The following EYS variants were observed in gnomAD, a reference collection of about 807,000 sequenced individuals.
The protein encoded by EYS is EGF-like photoreceptor maintenance factor.
Under a neutral mutation model 282.1 loss-of-function variants are expected in EYS, and 250 were observed. The observed-to-expected ratio is 0.89, with a 90% confidence interval of 0.80 to 0.98. The LOEUF (loss-of-function observed/expected upper bound fraction) is 0.98, where lower values mean the gene tolerates loss of function less well. EYS is among the 50% of genes least tolerant of loss of function. The pLI is 0.00. For synonymous variants in EYS, 1,355 were observed against 1,282.9 expected (o/e 1.06, Z -1.20); for missense variants, 4,016 against 3,709.0 (o/e 1.08, Z -2.15).
chr6:64,349,885 A>C (rs1211180121), intron 29 of EYS, among the ~76,000 whole-genome samples: 1 of 151,536 alleles, frequency 6.6e-6, no homozygotes, highest in African/African-American at 2.4e-5. Flanking sequence ...GTTTTGAAAT[A>C]TCTACTTGAA....
At chr6:64,388,634 A>G in intron 29 of EYS, 56 bp downstream of exon 29, 2 of 1,362,192 alleles carry the variant, frequency 1.5e-6, no homozygotes, top group East Asian at 2.7e-5. Context: ...TATCAATATG[A>G]TGATTTTCAA....
Position 64,295,729 on chromosome 6 carries a change from C to CA in EYS, c.6191+11240dup, listed in dbSNP as rs74773239. On this transcript the variant is annotated intron_variant, in intron 30 of 42. Coordinates refer to ENST00000503581, the MANE Select transcript of EYS (RefSeq NM_001142800.2). ...GGCTGACTGAGCCAGACTCCGTCTC[C>CA]AAAAAAAAAAAAAGAAAATGGGTCT... Among the ~76,000 whole-genome samples, 461 of 132,958 alleles carry CA rather than the reference C, an allele frequency of 3.5e-3. 3 individuals carry two copies. The highest frequency in any genetic ancestry group is 0.019 in the Middle Eastern group (5 of 264). 87.2% of individuals were successfully genotyped at this position (132,958 alleles called of 152,430 possible).
At position 64,388,727 on chromosome 6, in the gene EYS, A is replaced by G; in HGVS notation, c.6041T>C (p.Phe2014Ser). 1 of 1,542,468 alleles carries G rather than the reference A, an allele frequency of 6.5e-7. No individual in the cohort carries two copies. The highest frequency in any genetic ancestry group is 8.8e-7 in the Non-Finnish European group (1 of 1,142,818). ...GKPLPKSGSV[F>S]IGGFPDLHGK... Reference sequence around the variant, plus strand: ...ATGAAGGTCTGGAAATCCACCAATGAAGACAGATCCTGATTTTGGCAGGGG... The same window carrying G: ...ATGAAGGTCTGGAAATCCACCAATGGAGACAGATCCTGATTTTGGCAGGGG... The change falls in exon 29 of 43, where the codon TTC (phenylalanine) becomes TCC (serine). Residue 2014 changes from phenylalanine to serine, a missense_variant. Phe to Ser is a radical substitution (Grantham distance 155, BLOSUM62 -2). Coordinates refer to ENST00000503581, the MANE Select transcript of EYS (RefSeq NM_001142800.2).
At chr6:64,590,147 C>G in intron 26 of EYS, 76 bp downstream of exon 26, 5 of 1,307,380 alleles carry the variant, frequency 3.8e-6, no homozygotes, top group Non-Finnish European at 5.2e-6. Context: ...ACCCGGTGAC[C>G]ATGACAGGCT....
At chr6:65,446,083 G>C (rs4295459) in intron 5 of EYS, among the ~76,000 whole-genome samples, 28,076 of 151,474 alleles carry the variant, frequency 0.19, 3,249 homozygotes, top group Middle Eastern at 0.3. Context: ...AAAACTCAGT[G>C]ACTTTGCCTA....
In EYS at chr6:64,060,191, A is replaced by C. The variant is rs375212438; in HGVS notation, c.6725+6147T>G. 2.6e-5 allele frequency among the ~76,000 whole-genome samples: 4 copies of C among 152,296 alleles called. No individual in the cohort carries two copies. In the East Asian group the frequency reaches 5.8e-4, roughly 22 times the overall value. On this transcript the variant is annotated intron_variant, in intron 33 of 42. Transcript: ENST00000503581. ...CATAGCTTATATAATATTAACTACC[A>C]GGAACATGTGAAAAGTTTTTATATA...
intron 1 of EYS, among the ~76,000 whole-genome samples, chr6:65,661,052 T>C (rs1767986218): frequency 6.6e-6 from 1 of 151,930 alleles, no homozygotes; most frequent in South Asian, 2.1e-4. Context: ...TAACTCGGTC[T>C]ATAAGTGGTA....
chr6:64,930,572 T>C (rs1341035919), intron 15 of EYS, among the ~76,000 whole-genome samples: 2 of 152,074 alleles, frequency 1.3e-5, no homozygotes, highest in Non-Finnish European at 2.9e-5. Context: ...AGTTTTTAAC[T>C]TATTAAATGT....
At chr6:65,227,363 A>G (rs759767450) in intron 12 of EYS, among the ~76,000 whole-genome samples, 5 of 152,128 alleles carry the variant, frequency 3.3e-5, no homozygotes, top group Non-Finnish European at 7.4e-5. Context: ...AGGTGATAAA[A>G]CAGAAGACAC....
intron 30 of EYS, among the ~76,000 whole-genome samples, chr6:64,303,874 GGTT>G (rs1225207646): frequency 6.7e-6 from 1 of 148,266 alleles, no homozygotes; most frequent in African/African-American, 2.5e-5. Context: ...CTCAGGGTAG[GGTT>G]ACGGCTGAAG....
chr6:64,455,477 G>A (rs1244310775), intron 26 of EYS, among the ~76,000 whole-genome samples: 1 of 151,902 alleles, frequency 6.6e-6, no homozygotes, highest in Non-Finnish European at 1.5e-5. Context: ...GGATCTATGT[G>A]CTGAACATGC....
intron 26 of EYS, among the ~76,000 whole-genome samples, chr6:64,450,547 G>C (rs932293802): frequency 6.6e-6 from 1 of 152,144 alleles, no homozygotes; most frequent in African/African-American, 2.4e-5. Flanking sequence ...CAAATCAACA[G>C]AATATACATT....
chr6:64,536,513 G>T (rs1582866559), intron 26 of EYS, among the ~76,000 whole-genome samples: 1 of 152,168 alleles, frequency 6.6e-6, no homozygotes, highest in East Asian at 1.9e-4. Flanking sequence ...ATAAATAACT[G>T]TGACATTTTG....
intron 36 of EYS, among the ~76,000 whole-genome samples, chr6:63,851,242 A>G (rs1772242402): frequency 6.6e-6 from 1 of 152,200 alleles, no homozygotes; most frequent in Non-Finnish European, 1.5e-5. Flanking sequence ...GTAACACCCC[A>G]CTGGCAATAT....
At chr6:64,434,505 T>C (rs1774674582) in intron 28 of EYS, among the ~76,000 whole-genome samples, 1 of 152,102 alleles carries the variant, frequency 6.6e-6, no homozygotes, top group South Asian at 2.1e-4. Context: ...ACATCATTTA[T>C]AACTCTTATC....
At chr6:64,955,454 GGA>G (rs1769666570) in intron 14 of EYS, among the ~76,000 whole-genome samples, 1 of 152,116 alleles carries the variant, frequency 6.6e-6, no homozygotes, top group African/African-American at 2.4e-5. Context: ...GAGAGTCTTG[GGA>G]GAGAGGCAGT....
intron 1 of EYS, among the ~76,000 whole-genome samples, chr6:65,694,196 T>A (rs542360486): frequency 6.7e-6 from 1 of 150,146 alleles, no homozygotes; most frequent in South Asian, 2.1e-4. Flanking sequence ...AAGCAGAGGT[T>A]GTGGTGAGCC....
intron 22 of EYS, among the ~76,000 whole-genome samples, chr6:64,761,405 T>C (rs1314798622): frequency 6.6e-6 from 1 of 152,186 alleles, no homozygotes; most frequent in Non-Finnish European, 1.5e-5. Context: ...TTGTGAAGAT[T>C]AGCAGAGACA....
intron 7 of EYS, among the ~76,000 whole-genome samples, chr6:65,400,537 C>T (rs1242900822): frequency 6.6e-6 from 1 of 151,836 alleles, no homozygotes; most frequent in African/African-American, 2.4e-5. Context: ...CCATAGACAC[C>T]TAAAGCTTTC....
Sources: gnomAD v4.1 joint callset for allele counts (sites outside exome capture counted in the v4.1 genomes callset) on GRCh38, gnomAD v4.1.1 for gene constraint, MANE v1.5 for transcripts, NCBI Gene and HGNC (gene_info 2026-07-23, HGNC 2026-07-21) for gene names.